KCNK5: variants seen among roughly 807,000 people sequenced by gnomAD.
KCNK5 encodes potassium channel subfamily K member 5.
A neutral mutation model predicts 32.9 loss-of-function variants in KCNK5; 18 were observed. That is an observed-to-expected ratio of 0.55 (90% CI 0.38 to 0.81). The LOEUF is 0.81. Ranked by LOEUF, KCNK5 falls within the 30% of genes least tolerant of loss-of-function variation. The probability of loss-of-function intolerance (pLI) is 0.00; values close to 1 mark genes in which losing one functional copy is unlikely to be tolerated. For missense variants in KCNK5, 507 were observed against 651.0 expected, an observed-to-expected ratio of 0.78 and a Z score of 2.41; for synonymous variants, 276 against 275.3, an observed-to-expected ratio of 1.00 and a Z score of -0.03.
intron 1 of KCNK5, among the ~76,000 whole-genome samples, chr6:39,224,829 G>GA (rs1347644544): frequency 6.6e-6 from 1 of 152,050 alleles, no homozygotes; most frequent in Admixed American, 6.5e-5. Context: ...CAGGCTAGGA[G>GA]AAAGGGCCAC....
intron 1 of KCNK5, among the ~76,000 whole-genome samples, chr6:39,218,263 G>A (rs565428581): frequency 5.9e-5 from 9 of 152,108 alleles, no homozygotes; most frequent in Admixed American, 1.3e-4. Context: ...TAGAGAGAGG[G>A]TTTCACTGTG....
Position 39,191,126 on chromosome 6 carries a change from A to T in KCNK5, c.1264T>A (p.Phe422Ile). 1 of 1,614,214 alleles carries T rather than the reference A, an allele frequency of 6.2e-7. No homozygotes were observed. Among genetic ancestry groups the T allele is most frequent in the South Asian group, 1.1e-5 (1 of 91,086 alleles). The change falls in exon 5 of 5, where the codon TTC (phenylalanine) becomes ATC (isoleucine). Residue 422 changes from phenylalanine (F) to isoleucine (I), a missense_variant. Physicochemically the swap from Phe to Ile is conservative, Grantham distance 21. Coordinates refer to ENST00000359534, the MANE Select transcript of KCNK5 (RefSeq NM_003740.4). This position sits in a 1 kb window ranked among gnomAD's most constrained non-coding sequence, Gnocchi z 5.8. Reference sequence around the variant, plus strand: ...GAGAGGCCAGCCTCCGTGTTCACGAAGGTGATGCTGGCGTCCTGGAAGATG... The same window carrying T: ...GAGAGGCCAGCCTCCGTGTTCACGATGGTGATGCTGGCGTCCTGGAAGATG... ...PLIFQDASIT[F>I]VNTEAGLSDE...
At position 39,191,121 on chromosome 6, in the gene KCNK5, C is replaced by T; in HGVS notation, c.1269G>A (p.Val423=). The T allele has an allele frequency of 6.2e-7, 1 of 1,614,200 alleles. No homozygotes were observed. Among genetic ancestry groups the T allele is most frequent in the South Asian group, 1.1e-5 (1 of 91,088 alleles). The part of the protein sequence containing the change: ...LIFQDASITF[V]NTEAGLSDEE... ...CGTCTGAGAGGCCAGCCTCCGTGTT[C>T]ACGAAGGTGATGCTGGCGTCCTGGA... Residue 423 remains valine, a synonymous_variant, in exon 5 of 5, where the codon GTG becomes GTA. Transcript: ENST00000359534. The surrounding 1 kb of genome is among the most constrained non-coding windows in gnomAD (Gnocchi z 5.8).
At chr6:39,226,580 G>A (rs1316770480) in intron 1 of KCNK5, among the ~76,000 whole-genome samples, 1 of 152,096 alleles carries the variant, frequency 6.6e-6, no homozygotes, top group Non-Finnish European at 1.5e-5. Flanking sequence ...ATGATTCCAA[G>A]GTGATTCAGA....
intron 2 of KCNK5, among the ~76,000 whole-genome samples, chr6:39,195,046 A>G (rs1425838441): frequency 2.0e-5 from 3 of 152,176 alleles, no homozygotes; most frequent in Non-Finnish European, 2.9e-5. Context: ...TGTGCAAGTT[A>G]TAAGACATGC....
In KCNK5 at chr6:39,191,889, C is replaced by T; in HGVS notation, c.635-134G>A. On this transcript the variant is annotated intron_variant, in intron 4 of 4. Coordinates refer to ENST00000359534, the MANE Select transcript of KCNK5 (RefSeq NM_003740.4). This position sits in a 1 kb window ranked among gnomAD's most constrained non-coding sequence, Gnocchi z 5.8. The stretch of plus-strand genomic sequence containing the variant: ...GGGGTGCAGTGGGATAGAAAGGGGC[C>T]TGTTCTAGACCCTGGACTATCCCAT... 1 of 896,776 alleles carries T rather than the reference C, an allele frequency of 1.1e-6. No homozygotes were observed. Among genetic ancestry groups the T allele is most frequent in the Non-Finnish European group, 1.7e-6 (1 of 590,968 alleles). The allele number at this position is 896,776 out of a possible 1,614,324, so 55.6% of individuals were successfully genotyped here. A position where few individuals can be genotyped will look rare whatever the true frequency, so the allele number is the denominator to read the frequency against.
chr6:39,194,687 C>A lies in KCNK5; in HGVS notation c.372G>T (p.Pro124=). 1.2e-6 allele frequency: 2 copies of A among 1,614,054 alleles called. No individual in the cohort carries two copies. The highest frequency in any genetic ancestry group is 8.5e-7 in the Non-Finnish European group (1 of 1,180,018). The stretch of plus-strand genomic sequence containing the variant: ...GGGCACTGATCCACGTCAGGCAGAG[C>A]GGCACCCCGAAGAGACCATAGAAAA... ...FCVFYGLFGV[P]LCLTWISALG... The change falls in exon 3 of 5, where the codon CCG becomes CCT. Residue 124 remains proline (P), a synonymous_variant. Transcript: ENST00000359534. This position sits in a 1 kb window ranked among gnomAD's most constrained non-coding sequence, Gnocchi z 4.7.
intron 1 of KCNK5, among the ~76,000 whole-genome samples, chr6:39,227,878 T>C (rs1771702851): frequency 6.6e-6 from 1 of 152,134 alleles, no homozygotes; most frequent in African/African-American, 2.4e-5. Context: ...CTTTCTGGCA[T>C]CTTTCACCCT....
chr6:39,192,442 C>T (rs534258551), intron 4 of KCNK5, among the ~76,000 whole-genome samples: 21 of 152,172 alleles, frequency 1.4e-4, no homozygotes, highest in African/African-American at 3.9e-4. Flanking sequence ...AGCTGTTCTG[C>T]GTATATGATA....
At position 39,189,451 on chromosome 6, in the gene KCNK5, G is replaced by T. The variant is rs1397389122; in HGVS notation, c.*1439C>A. 3 of 152,634 alleles carry T rather than the reference G, an allele frequency of 2.0e-5. No individual in the cohort carries two copies. The highest frequency in any genetic ancestry group is 4.4e-5 in the Non-Finnish European group (3 of 68,052). 9.5% of individuals were successfully genotyped at this position (152,634 alleles called of 1,614,324 possible). A position where few individuals can be genotyped will look rare whatever the true frequency, so the allele number is the denominator to read the frequency against. On this transcript the variant is annotated 3_prime_UTR_variant, in exon 5 of 5. Coordinates refer to ENST00000359534, the MANE Select transcript of KCNK5 (RefSeq NM_003740.4). ...AAGGCCCAATTGAGTTGCAGGGCAG[G>T]AGGGCAGACACTAGATCTCCCAATC... is the stretch of plus-strand genomic sequence containing the variant.
intron 1 of KCNK5, 80 bp from the exon 2 acceptor site, chr6:39,196,067 G>A: frequency 1.1e-6 from 1 of 913,454 alleles, no homozygotes; most frequent in Non-Finnish European, 1.6e-6. Context: ...TAAACTCCTT[G>A]TAAGCATTTT....
Position 39,191,441 on chromosome 6 carries a change from C to A in KCNK5, c.949G>T (p.Gly317Trp), listed in dbSNP as rs142417837. The A allele has an allele frequency of 1.9e-6, 3 of 1,613,288 alleles. No homozygotes were observed. In the African/African-American group the frequency reaches 4.0e-5, roughly 22 times the overall value. ...GGGCCCGGGCCCGTCTCCCCACCCCCGCTTGTCTTCATGGCCTTCTTCCCG... is the reference window on the plus strand; with the variant it reads ...GGGCCCGGGCCCGTCTCCCCACCCCAGCTTGTCTTCATGGCCTTCTTCCCG... ...QIGKKAMKTS[G>W]GGETGPGPGL... is the part of the protein sequence containing the mutation. The change falls in exon 5 of 5, where the codon GGG (glycine) becomes TGG (tryptophan). Residue 317 changes from glycine (G) to tryptophan (W), a missense_variant. This residue lies in a region of KCNK5 where 252 missense variants were observed against 250.8 expected (regional missense o/e 1.00). Coordinates refer to ENST00000359534, the MANE Select transcript of KCNK5 (RefSeq NM_003740.4). This position sits in a 1 kb window ranked among gnomAD's most constrained non-coding sequence, Gnocchi z 5.8.
chr6:39,227,326 G>A (rs1470511702), intron 1 of KCNK5, among the ~76,000 whole-genome samples: 1 of 152,014 alleles, frequency 6.6e-6, no homozygotes, highest in Non-Finnish European at 1.5e-5. Context: ...ACAAAAACTT[G>A]TTCTCTAGAG....
At chr6:39,219,482 A>G (rs1424542689) in intron 1 of KCNK5, among the ~76,000 whole-genome samples, 3 of 152,094 alleles carry the variant, frequency 2.0e-5, no homozygotes, top group African/African-American at 7.2e-5. Context: ...TGACTTGAAT[A>G]CCTGTCCTTA....
intron 1 of KCNK5, among the ~76,000 whole-genome samples, chr6:39,226,399 G>A (rs568394408): frequency 2.0e-5 from 3 of 152,226 alleles, no homozygotes; most frequent in Admixed American, 6.5e-5. Context: ...CTGACAATTC[G>A]GGGGGTATTT....
chr6:39,203,346 C>A (rs1426587398), intron 1 of KCNK5, among the ~76,000 whole-genome samples: 1 of 152,212 alleles, frequency 6.6e-6, no homozygotes, highest in African/African-American at 2.4e-5. Context: ...GGCTGGGAGT[C>A]AGGGGCAGAG....
chr6:39,193,185 C>T (rs1583703839), intron 4 of KCNK5, among the ~76,000 whole-genome samples: 1 of 150,114 alleles, frequency 6.7e-6, no homozygotes, highest in Non-Finnish European at 1.5e-5. Context: ...ATCTGTATTT[C>T]CCTAATACCA....
chr6:39,223,347 G>C (rs568875473), intron 1 of KCNK5, among the ~76,000 whole-genome samples: 1 of 152,312 alleles, frequency 6.6e-6, no homozygotes, highest in South Asian at 2.1e-4. Context: ...GATCCCTACT[G>C]AGGGCAGCAC....
At chr6:39,218,620 A>C (rs1033397825) in intron 1 of KCNK5, among the ~76,000 whole-genome samples, 8 of 152,208 alleles carry the variant, frequency 5.3e-5, no homozygotes, top group African/African-American at 1.9e-4. Flanking sequence ...GGGTCCGCAG[A>C]GACCCATGGT....
Sources: allele counts gnomAD v4.1 joint callset (sites outside exome capture counted in the v4.1 genomes callset), GRCh38; gene constraint gnomAD v4.1.1; regional missense constraint gnomAD v4.1.1; non-coding constraint Gnocchi (gnomAD v3.1); transcripts MANE v1.5; gene names NCBI Gene and HGNC (gene_info 2026-07-23, HGNC 2026-07-21).